Variants in UNC13C observed in about 807,000 individuals in gnomAD.
The protein encoded by UNC13C is unc-13 homolog C.
UNC13C carries 174 observed loss-of-function variants against 245.4 expected under a neutral mutation model. That is an observed-to-expected ratio of 0.71 (90% CI 0.63 to 0.80). The LOEUF (loss-of-function observed/expected upper bound fraction) is 0.80. Among genes scored for constraint, UNC13C ranks in the 30% least tolerant of loss-of-function variants. UNC13C has a pLI of 0.00. For synonymous variants in UNC13C, 992 were observed against 895.1 expected (o/e 1.11, Z -1.93); for missense variants, 2,829 against 2,602.9 (o/e 1.09, Z -1.89).
chr15:54,396,811 T>G (rs1368482537), intron 18 of UNC13C, among the ~76,000 whole-genome samples: 1 of 151,354 alleles, frequency 6.6e-6, no homozygotes. Flanking sequence ...TATTTGAAAT[T>G]CATATATCTT....
chr15:54,528,903 A>G (rs186350173), intron 25 of UNC13C, among the ~76,000 whole-genome samples: 42 of 152,236 alleles, frequency 2.8e-4, no homozygotes, highest in Non-Finnish European at 5.1e-4. Flanking sequence ...ACCACAAACA[A>G]CATCCCCTTC....
At chr15:54,141,787 A>G (rs1042046705) in intron 2 of UNC13C, among the ~76,000 whole-genome samples, 1 of 152,114 alleles carries the variant, frequency 6.6e-6, no homozygotes, top group African/African-American at 2.4e-5. Context: ...TTACTTTACA[A>G]TACATTTTAC....
chr15:54,460,772 C>A (rs1469596787), intron 19 of UNC13C, among the ~76,000 whole-genome samples: 1 of 152,166 alleles, frequency 6.6e-6, no homozygotes, highest in African/African-American at 2.4e-5. Flanking sequence ...TTGCAGTGGT[C>A]CTTGAAGCAG....
chr15:54,163,463 C>T (rs374389411), intron 4 of UNC13C, among the ~76,000 whole-genome samples: 1 of 152,216 alleles, frequency 6.6e-6, no homozygotes, highest in East Asian at 1.9e-4. Flanking sequence ...CAATGGTAAA[C>T]TAATATATTC....
intron 2 of UNC13C, among the ~76,000 whole-genome samples, chr15:54,025,141 T>G (rs1161968384): frequency 6.6e-6 from 1 of 152,154 alleles, no homozygotes; most frequent in Non-Finnish European, 1.5e-5. Flanking sequence ...GTCACTTTAT[T>G]TAGAATAAGT....
chr15:53,998,892 T>A (rs1595694387), intron 1 of UNC13C, among the ~76,000 whole-genome samples: 2 of 152,098 alleles, frequency 1.3e-5, no homozygotes, highest in South Asian at 4.1e-4. Flanking sequence ...TTTTTTAATG[T>A]GTTCAATTGC....
intron 19 of UNC13C, among the ~76,000 whole-genome samples, chr15:54,450,346 T>G (rs1021604273): frequency 6.6e-6 from 1 of 152,250 alleles, no homozygotes; most frequent in Non-Finnish European, 1.5e-5. Context: ...TGCCTTTTGT[T>G]CAGCTATGCC....
At chr15:53,960,332 C>A in the UNC13C span, among the ~76,000 whole-genome samples, 28 of 143,394 alleles carry the variant, frequency 2.0e-4, no homozygotes, top group African/African-American at 7.2e-4. Context: ...TAATCTATAT[C>A]ATGTTTTTTT....
At chr15:53,943,616 T>C in the UNC13C span, among the ~76,000 whole-genome samples, 1 of 152,192 alleles carries the variant, frequency 6.6e-6, no homozygotes, top group Non-Finnish European at 1.5e-5. Context: ...ATAAAGGGCT[T>C]ATGCATGATT....
intron 2 of UNC13C, among the ~76,000 whole-genome samples, chr15:54,046,833 G>C (rs939967804): frequency 3.3e-5 from 5 of 151,634 alleles, no homozygotes; most frequent in Non-Finnish European, 5.9e-5. Flanking sequence ...CAGTATCTGG[G>C]TCAAGAGCAG....
At chr15:53,905,399 T>TACACATAC in the UNC13C span, among the ~76,000 whole-genome samples, 1 of 123,548 alleles carries the variant, frequency 8.1e-6, no homozygotes, top group African/African-American at 3.0e-5. Flanking sequence ...TATTACTTTA[T>TACACATAC]ACACACACAC....
chr15:54,291,713 GAAGTT>G (rs1332227645), intron 10 of UNC13C, among the ~76,000 whole-genome samples: 1 of 151,946 alleles, frequency 6.6e-6, no homozygotes, highest in African/African-American at 2.4e-5. Context: ...GAGATTTATA[GAAGTT>G]AAGTTAGGTA....
At chr15:53,915,693 A>G in the UNC13C span, among the ~76,000 whole-genome samples, 1 of 152,356 alleles carries the variant, frequency 6.6e-6, no homozygotes, top group African/African-American at 2.4e-5. Context: ...GAATTAAACA[A>G]TGTTGTATCA....
chr15:54,371,229 G>A lies in UNC13C; in HGVS notation c.4714-21819G>A, dbSNP rs567833547. Among the ~76,000 whole-genome samples, 7 of 151,950 alleles carry A rather than the reference G, an allele frequency of 4.6e-5. No homozygotes were observed. The South Asian group carries it at 1.0e-3, about 23-fold the overall frequency. On this transcript the variant is annotated intron_variant, in intron 17 of 32. Transcript: ENST00000260323. Reference sequence around the variant, plus strand: ...CCCTGGTAACCATCATTTTACTCTCGGCTTCTAAGAGATCAACTTTTTTAG... The same window carrying A: ...CCCTGGTAACCATCATTTTACTCTCAGCTTCTAAGAGATCAACTTTTTTAG...
chr15:54,156,364 G>C (rs953420322), intron 4 of UNC13C, among the ~76,000 whole-genome samples: 4 of 152,100 alleles, frequency 2.6e-5, no homozygotes, highest in Admixed American at 2.6e-4. Context: ...CAAACCAGGG[G>C]ATTTGTAGAA....
chr15:53,938,907 C>T, the UNC13C span, among the ~76,000 whole-genome samples: 1 of 151,922 alleles, frequency 6.6e-6, no homozygotes, highest in Admixed American at 6.6e-5. Context: ...TTAGAAAGAC[C>T]TCAAATCAGT....
the UNC13C span, among the ~76,000 whole-genome samples, chr15:53,938,945 G>A: frequency 6.6e-6 from 1 of 151,982 alleles, no homozygotes; most frequent in South Asian, 2.1e-4. Flanking sequence ...AAAAGAACCA[G>A]AGAACCAAGA....
intron 10 of UNC13C, among the ~76,000 whole-genome samples, chr15:54,289,925 AGT>A (rs774535196): frequency 5.6e-4 from 85 of 152,074 alleles, no homozygotes; most frequent in Non-Finnish European, 1.3e-4. Context: ...CAGGAGTGTG[AGT>A]TATCTAACTT....
the UNC13C span, among the ~76,000 whole-genome samples, chr15:53,841,199 C>T: frequency 6.6e-6 from 1 of 152,056 alleles, no homozygotes; most frequent in South Asian, 2.1e-4. Flanking sequence ...TTAAAAAAAA[C>T]TGAGATTAAA....
Sources: gnomAD v4.1 joint callset for allele counts (sites outside exome capture counted in the v4.1 genomes callset) on GRCh38, gnomAD v4.1.1 for gene constraint, MANE v1.5 for transcripts, NCBI Gene and HGNC (gene_info 2026-07-23, HGNC 2026-07-21) for gene names.